The following XYLT1 variants were observed in gnomAD, a reference collection of about 807,000 sequenced individuals.
XYLT1 encodes the protein beta-D-xylosyltransferase 1.
A neutral mutation model predicts 91.3 loss-of-function variants in XYLT1; 36 were observed. That is an observed-to-expected ratio of 0.39 (90% confidence interval 0.30 to 0.52). The LOEUF (loss-of-function observed/expected upper bound fraction) is 0.52. XYLT1 is among the 20% of genes least tolerant of loss of function. The pLI, the probability that XYLT1 is intolerant of heterozygous loss-of-function variation, is 0.68. For synonymous variants in XYLT1, 588 were observed against 532.0 expected (o/e 1.11, Z -1.45); for missense variants, 1,242 against 1,284.5 (o/e 0.97, Z 0.51).
At chr16:17,207,698 C>G (rs1040530346) in intron 3 of XYLT1, among the ~76,000 whole-genome samples, 3 of 152,154 alleles carry the variant, frequency 2.0e-5, no homozygotes, top group Non-Finnish European at 2.9e-5. Context: ...CAGCACCAAG[C>G]CCTGCTGGGA....
chr16:17,452,286 TTTGA>T (rs372284053), intron 1 of XYLT1, among the ~76,000 whole-genome samples: 45 of 151,010 alleles, frequency 3.0e-4, no homozygotes, highest in African/African-American at 1.1e-3. Context: ...CTTTCTTTTG[TTTGA>T]TTCTCAGTTT....
intron 1 of XYLT1, among the ~76,000 whole-genome samples, chr16:17,437,935 C>T (rs1596545709): frequency 6.6e-6 from 1 of 152,114 alleles, no homozygotes; most frequent in East Asian, 1.9e-4. Context: ...ACATACTTAC[C>T]AACAGAATTC....
chr16:17,433,142 G>A (rs750699484), intron 1 of XYLT1, among the ~76,000 whole-genome samples: 3 of 152,088 alleles, frequency 2.0e-5, no homozygotes, highest in Non-Finnish European at 4.4e-5. Context: ...GAGAAAACTT[G>A]CTAAGTGGAG....
intron 1 of XYLT1, among the ~76,000 whole-genome samples, chr16:17,458,728 TAG>T (rs763233738): frequency 2.6e-5 from 4 of 152,206 alleles, no homozygotes; most frequent in Middle Eastern, 3.4e-3. Context: ...GAAATCCAGT[TAG>T]AGTTTGCTTA....
intron 6 of XYLT1, among the ~76,000 whole-genome samples, chr16:17,158,459 G>C (rs1334464307): frequency 1.3e-5 from 2 of 152,232 alleles, no homozygotes; most frequent in African/African-American, 4.8e-5. Context: ...ATGAGTGGCT[G>C]ACTGAATGAA....
intron 2 of XYLT1, among the ~76,000 whole-genome samples, chr16:17,299,503 C>T (rs1342164594): frequency 1.3e-5 from 2 of 152,174 alleles, no homozygotes; most frequent in Non-Finnish European, 2.9e-5. Flanking sequence ...ATTAATAGTG[C>T]AGCCAGCTTT....
intron 2 of XYLT1, among the ~76,000 whole-genome samples, chr16:17,283,905 CTTCT>C (rs2034095191): frequency 1.3e-5 from 2 of 152,222 alleles, no homozygotes; most frequent in Non-Finnish European, 2.9e-5. Context: ...CCAACTTCAT[CTTCT>C]TTCTAAGTAT....
chr16:17,202,632 C>T (rs948950714), intron 3 of XYLT1, among the ~76,000 whole-genome samples: 2 of 152,184 alleles, frequency 1.3e-5, no homozygotes, highest in East Asian at 1.9e-4. Flanking sequence ...AGGGGACTCA[C>T]CACCACCTCT....
intron 3 of XYLT1, among the ~76,000 whole-genome samples, chr16:17,238,872 C>CATT (rs2033291247): frequency 6.6e-6 from 1 of 152,208 alleles, no homozygotes; most frequent in African/African-American, 2.4e-5. Context: ...GAGGAGTTTA[C>CATT]GTGATCTCAC....
At chr16:17,242,784 A>G (rs538644804) in intron 3 of XYLT1, among the ~76,000 whole-genome samples, 2 of 152,268 alleles carry the variant, frequency 1.3e-5, no homozygotes, top group Admixed American at 1.3e-4. Flanking sequence ...CTCTCCCTCA[A>G]GCCCCTAGGT....
chr16:17,378,869 T>C (rs951611148), intron 1 of XYLT1, among the ~76,000 whole-genome samples: 1 of 152,128 alleles, frequency 6.6e-6, no homozygotes, highest in Admixed American at 6.5e-5. Flanking sequence ...ACCCACTCCA[T>C]CCCCTACTTT....
Position 17,134,706 on chromosome 16 carries a change from G to A in XYLT1, c.1794C>T (p.Arg598=). The A allele has an allele frequency of 1.2e-6, 2 of 1,614,168 alleles. No homozygotes were observed. Among genetic ancestry groups the A allele is most frequent in the Non-Finnish European group, 8.5e-7 (1 of 1,180,024 alleles). The change falls in exon 9 of 12, where the codon CGC becomes CGT. Residue 598 remains arginine, a synonymous_variant. Coordinates refer to ENST00000261381, the MANE Select transcript of XYLT1 (RefSeq NM_022166.4). ...QQTARPTFFA[R]KFEAVVNQEI... ...CCTGATTCACCACGGCTTCAAACTTGCGGGCAAAGAAGGTAGGCCGGGCTG... is the reference window on the plus strand; with the variant it reads ...CCTGATTCACCACGGCTTCAAACTTACGGGCAAAGAAGGTAGGCCGGGCTG...
chr16:17,346,275 T>C (rs1029402213), intron 2 of XYLT1, among the ~76,000 whole-genome samples: 4 of 152,190 alleles, frequency 2.6e-5, no homozygotes, highest in African/African-American at 7.2e-5. Flanking sequence ...GGTTACCAGG[T>C]CCAGACTGCC....
Position 17,384,147 on chromosome 16 carries a change from G to A in XYLT1, c.364-26097C>T, listed in dbSNP as rs181458053. Among the ~76,000 whole-genome samples, 23 of 151,914 alleles carry A rather than the reference G, an allele frequency of 1.5e-4. 1 individual carries two copies. Among genetic ancestry groups the A allele is most frequent in the African/African-American group, 5.3e-4 (22 of 41,526 alleles). ...TGGGGGTTGCTGGGAGGATCACCTG[G>A]GCTAATAATGTATGTAAAACACTTG... On this transcript the variant is annotated intron_variant, in intron 1 of 11. Coordinates refer to ENST00000261381, the MANE Select transcript of XYLT1 (RefSeq NM_022166.4).
intron 2 of XYLT1, among the ~76,000 whole-genome samples, chr16:17,263,456 G>A (rs1472448894): frequency 6.6e-6 from 1 of 151,946 alleles, no homozygotes; most frequent in Non-Finnish European, 1.5e-5. Flanking sequence ...GTGGCCCTGT[G>A]AACTTCTGCC....
chr16:17,391,972 A>G (rs2035825940), intron 1 of XYLT1, among the ~76,000 whole-genome samples: 1 of 152,196 alleles, frequency 6.6e-6, no homozygotes, highest in South Asian at 2.1e-4. Context: ...GCCATGTGGA[A>G]CGTTGAGTCA....
chr16:17,322,422 G>T (rs974192952), intron 2 of XYLT1, among the ~76,000 whole-genome samples: 2 of 152,108 alleles, frequency 1.3e-5, no homozygotes, highest in Non-Finnish European at 2.9e-5. Context: ...ATCCTGGGAC[G>T]CTGAGACAGA....
chr16:17,222,595 G>A (rs1392678838), intron 3 of XYLT1, among the ~76,000 whole-genome samples: 1 of 152,062 alleles, frequency 6.6e-6, no homozygotes, highest in Non-Finnish European at 1.5e-5. Flanking sequence ...TTCAAGATCA[G>A]CCTGGCCAAA....
chr16:17,213,535 C>A (rs1229256422), intron 3 of XYLT1, among the ~76,000 whole-genome samples: 1 of 152,164 alleles, frequency 6.6e-6, no homozygotes, highest in Non-Finnish European at 1.5e-5. Flanking sequence ...TGCTGCAGAA[C>A]TGGGATTCAA....
Sources: gnomAD v4.1 joint callset for allele counts (sites outside exome capture counted in the v4.1 genomes callset) on GRCh38, gnomAD v4.1.1 for gene constraint, MANE v1.5 for transcripts, NCBI Gene and HGNC (gene_info 2026-07-23, HGNC 2026-07-21) for gene names.